GALNT7: variants seen among roughly 807,000 people sequenced by gnomAD.
GALNT7 encodes the protein N-acetylgalactosaminyltransferase 7.
GALNT7 carries 60 observed loss-of-function variants against 82.1 expected under a neutral mutation model. The observed-to-expected ratio is 0.73, with a 90% confidence interval of 0.59 to 0.91. The LOEUF is 0.91. GALNT7 is among the 40% of genes least tolerant of loss of function. The pLI is 0.00. For missense variants in GALNT7, 660 were observed against 804.2 expected (o/e 0.82, Z 2.17); for synonymous variants, 243 against 275.1 (o/e 0.88, Z 1.15).
At chr4:173,219,019 G>A (rs138613558) in intron 1 of GALNT7, among the ~76,000 whole-genome samples, 1 of 151,994 alleles carries the variant, frequency 6.6e-6, no homozygotes, top group East Asian at 1.9e-4. Context: ...TACAAGTGGT[G>A]TTTGTTTACA....
intron 2 of GALNT7, among the ~76,000 whole-genome samples, chr4:173,288,529 C>CT (rs1736424188): frequency 6.6e-6 from 1 of 152,022 alleles, no homozygotes; most frequent in Non-Finnish European, 1.5e-5. Flanking sequence ...GGTAAAAACT[C>CT]TGACTCCATC....
In GALNT7 at chr4:173,283,724, C is replaced by T. The variant is rs549085787; in HGVS notation, c.588-8384C>T. On this transcript the variant is annotated intron_variant, in intron 2 of 11. Coordinates refer to ENST00000265000, the MANE Select transcript of GALNT7 (RefSeq NM_017423.3). ...GGGCTGTGTAGACAAGGTATGAGGC[C>T]GGTTTTCCAGGAGGCTTTTACTGGC... Among the ~76,000 whole-genome samples the T allele has an allele frequency of 6.6e-4, 100 of 152,106 alleles. 3 individuals carry two copies. Among genetic ancestry groups the T allele is most frequent in the East Asian group, 3.9e-4 (2 of 5,170 alleles).
Position 173,298,262 on chromosome 4 carries a change from G to A in GALNT7, c.1113G>A (p.Glu371=), listed in dbSNP as rs1269447706. The change falls in exon 6 of 12, where the codon GAG becomes GAA. Residue 371 remains glutamate (E), a synonymous_variant. Coordinates refer to ENST00000265000, the MANE Select transcript of GALNT7 (RefSeq NM_017423.3). ...AACGGGTGCCTCTGACCCCTCAAGAGAAGAGACTGAGAAAGACAAAAACTG... is the reference window on the plus strand; with the variant it reads ...AACGGGTGCCTCTGACCCCTCAAGAAAAGAGACTGAGAAAGACAAAAACTG... ...LWKRVPLTPQ[E]KRLRKTKTEP... The A allele has an allele frequency of 1.3e-6, 2 of 1,589,730 alleles. No homozygotes were observed. Among genetic ancestry groups the A allele is most frequent in the African/African-American group, 2.7e-5 (2 of 73,476 alleles).
At chr4:173,200,881 G>A (rs893988871) in intron 1 of GALNT7, among the ~76,000 whole-genome samples, 1 of 152,154 alleles carries the variant, frequency 6.6e-6, no homozygotes, top group Non-Finnish European at 1.5e-5. Flanking sequence ...TCAAATGCCA[G>A]TTTTGAACCT....
At chr4:173,181,930 A>G (rs950387277) in intron 1 of GALNT7, among the ~76,000 whole-genome samples, 1 of 152,236 alleles carries the variant, frequency 6.6e-6, no homozygotes, top group Non-Finnish European at 1.5e-5. Context: ...ATCAGCCTAT[A>G]CACTATGACT....
intron 2 of GALNT7, among the ~76,000 whole-genome samples, chr4:173,277,895 T>G (rs914499278): frequency 2.6e-5 from 4 of 152,206 alleles, no homozygotes; most frequent in African/African-American, 9.7e-5. Context: ...TGCACTAGAT[T>G]TGTTAAAGCC....
intron 1 of GALNT7, among the ~76,000 whole-genome samples, chr4:173,175,847 C>T (rs376100623): frequency 2.6e-5 from 4 of 151,950 alleles, no homozygotes; most frequent in Non-Finnish European, 2.9e-5. Flanking sequence ...CCTAGGCAGG[C>T]GAATCACTTG....
intron 2 of GALNT7, among the ~76,000 whole-genome samples, chr4:173,288,981 A>G (rs1736439216): frequency 6.6e-6 from 1 of 152,044 alleles, no homozygotes; most frequent in Admixed American, 6.5e-5. Context: ...AACATTGCAT[A>G]GAAAGAAGGG....
chr4:173,187,002 C>T (rs1408096583), intron 1 of GALNT7, among the ~76,000 whole-genome samples: 1 of 152,020 alleles, frequency 6.6e-6, no homozygotes, highest in African/African-American at 2.4e-5. Context: ...GTGATCCACC[C>T]GCCTCGGCCG....
In GALNT7 at chr4:173,318,565, C is replaced by T. The variant is rs1474628627; in HGVS notation, c.1836+6C>T. ...AGGAATGGCAGTACTTCAAGGTATT[C>T]TGCATTTTAACTTCTGAAATATTAT... On this transcript the variant is annotated splice_donor_region_variant and intron_variant, in intron 11 of 11. Transcript: ENST00000265000. The T allele has an allele frequency of 6.6e-7, 1 of 1,517,030 alleles. No homozygotes were observed. The highest frequency in any genetic ancestry group is 1.4e-5 in the African/African-American group (1 of 72,814). The allele number at this position is 1,517,030 out of a possible 1,614,324, so 94.0% of individuals were successfully genotyped here. A position where few individuals can be genotyped will look rare whatever the true frequency, so the allele number is the denominator to read the frequency against.
At chr4:173,195,683 C>G (rs1732752035) in intron 1 of GALNT7, among the ~76,000 whole-genome samples, 2 of 152,210 alleles carry the variant, frequency 1.3e-5, no homozygotes, top group South Asian at 4.1e-4. Flanking sequence ...TGATTACTGT[C>G]AAGAACTTCT....
At chr4:173,236,290 C>T (rs912551095) in intron 1 of GALNT7, among the ~76,000 whole-genome samples, 3 of 152,178 alleles carry the variant, frequency 2.0e-5, no homozygotes, top group African/African-American at 4.8e-5. Context: ...ACTTCCCTGG[C>T]CTATACCTTC....
intron 1 of GALNT7, among the ~76,000 whole-genome samples, chr4:173,224,030 G>A (rs762651267): frequency 1.6e-4 from 25 of 151,912 alleles, no homozygotes; most frequent in Non-Finnish European, 3.2e-4. Context: ...AATAACAAAC[G>A]TGTCTGGATG....
intron 2 of GALNT7, among the ~76,000 whole-genome samples, chr4:173,257,922 T>G (rs990896958): frequency 2.0e-5 from 3 of 152,206 alleles, no homozygotes; most frequent in Non-Finnish European, 4.4e-5. Context: ...CTTCAACTTT[T>G]GTGAGGCAGG....
intron 6 of GALNT7, 118 bp from the exon 7 acceptor site, chr4:173,301,929 C>T: frequency 1.0e-5 from 6 of 587,512 alleles, no homozygotes; most frequent in East Asian, 2.9e-5. Flanking sequence ...AATGTTTGGC[C>T]ATCAGTTTTG....
In GALNT7 at chr4:173,292,180, G is replaced by A; in HGVS notation, c.660G>A (p.Trp220Ter). 2 of 1,606,082 alleles carry A rather than the reference G, an allele frequency of 1.2e-6. No individual in the cohort carries two copies. The highest frequency in any genetic ancestry group is 1.7e-6 in the Non-Finnish European group (2 of 1,174,510). Residue 220 changes from tryptophan (W) to a stop codon, truncating the protein, a stop_gained, in exon 3 of 12, where the codon TGG becomes TGA. Transcript: ENST00000265000. LOFTEE classifies it high-confidence loss of function. This position sits in a 1 kb window ranked among gnomAD's most constrained non-coding sequence, Gnocchi z 4.8. ...TCATTGTCTTCCATAATGAAGGATG[G>A]TCAACCCTCATGAGAACAGTCCACA... ...SVVIVFHNEGWSTLMRTVHSV... is the reference protein window; with the variant it reads ...SVVIVFHNEG
At chr4:173,229,674 A>G (rs775157264) in intron 1 of GALNT7, among the ~76,000 whole-genome samples, 2 of 152,152 alleles carry the variant, frequency 1.3e-5, no homozygotes, top group Non-Finnish European at 2.9e-5. Flanking sequence ...TATCTAGCTC[A>G]AAGAGTTGTT....
intron 8 of GALNT7, among the ~76,000 whole-genome samples, chr4:173,304,453 T>C (rs892052787): frequency 3.9e-5 from 6 of 152,068 alleles, no homozygotes; most frequent in African/African-American, 1.4e-4. Context: ...AAATATTGTA[T>C]GTATCTTGTA....
rs113395745 is a variant in GALNT7 at position 173,302,295 on chromosome 4, T to C, written c.1266+131T>C. 20 of 686,360 alleles carry C rather than the reference T, an allele frequency of 2.9e-5. No individual in the cohort carries two copies. Among genetic ancestry groups the C allele is most frequent in the African/African-American group, 9.2e-5 (5 of 54,448 alleles). The allele number at this position is 686,360 out of a possible 1,614,324, so 42.5% of individuals were successfully genotyped here. A position where few individuals can be genotyped will look rare whatever the true frequency, so the allele number is the denominator to read the frequency against. ...ATGCATTTCTCCAAATTGTATAGAA[T>C]GATTTAATGAAAATGGATGCCTTTG... On this transcript the variant is annotated intron_variant, in intron 7 of 11. Transcript: ENST00000265000. The surrounding 1 kb of genome is among the most constrained non-coding windows in gnomAD (Gnocchi z 4.2).
Sources: allele counts gnomAD v4.1 joint callset (sites outside exome capture counted in the v4.1 genomes callset), GRCh38; gene constraint gnomAD v4.1.1; non-coding constraint Gnocchi (gnomAD v3.1); transcripts MANE v1.5; gene names NCBI Gene and HGNC (gene_info 2026-07-23, HGNC 2026-07-21).